SPECC1: variants seen among roughly 807,000 people sequenced by gnomAD.
SPECC1 encodes cytospin-B.
A neutral mutation model predicts 104.1 loss-of-function variants in SPECC1; 62 were observed. The ratio of observed to expected loss-of-function variants is 0.60; its 90% CI spans 0.49 to 0.74. SPECC1 has a LOEUF of 0.74. Ranked by LOEUF, SPECC1 falls within the 30% of genes least tolerant of loss-of-function variation. The pLI, the probability that SPECC1 is intolerant of heterozygous loss-of-function variation, is 0.00. For missense variants in SPECC1, 1,306 were observed against 1,310.5 expected, an observed-to-expected ratio of 1.00 and a Z score of 0.05; for synonymous variants, 513 against 501.6, an observed-to-expected ratio of 1.02 and a Z score of -0.30.
chr17:20,286,246 A>G (rs2040941977), intron 12 of SPECC1, among the ~76,000 whole-genome samples: 1 of 152,174 alleles, frequency 6.6e-6, no homozygotes, highest in African/African-American at 2.4e-5. Context: ...AAGGATAACA[A>G]TGATCCTAGT....
At chr17:20,194,502 ATT>A (rs1209589252) in intron 3 of SPECC1, among the ~76,000 whole-genome samples, 36 of 86,528 alleles carry the variant, frequency 4.2e-4, no homozygotes, top group African/African-American at 9.1e-4. Flanking sequence ...AAGAGAACGA[ATT>A]TTTTTTTTTT....
intron 12 of SPECC1, among the ~76,000 whole-genome samples, chr17:20,278,101 C>CT (rs1008212388): frequency 3.3e-5 from 5 of 152,056 alleles, no homozygotes; most frequent in African/African-American, 7.2e-5. Flanking sequence ...GAAAGACCGG[C>CT]TTTTTTTAAT....
At chr17:20,031,510 C>T (rs771581411) in intron 1 of SPECC1, among the ~76,000 whole-genome samples, 5 of 151,988 alleles carry the variant, frequency 3.3e-5, no homozygotes, top group Admixed American at 1.3e-4. Flanking sequence ...TTAGTAGAGA[C>T]GGGGTTTCAC....
chr17:20,267,651 G>A (rs1164869113), intron 12 of SPECC1, among the ~76,000 whole-genome samples: 1 of 152,124 alleles, frequency 6.6e-6, no homozygotes, highest in Non-Finnish European at 1.5e-5. Flanking sequence ...CACGTGAGAA[G>A]GAGCCAAGAA....
chr17:20,278,114 G>A (rs973017305), intron 12 of SPECC1, among the ~76,000 whole-genome samples: 2 of 151,990 alleles, frequency 1.3e-5, no homozygotes, highest in African/African-American at 4.8e-5. Flanking sequence ...TTTTTAATGG[G>A]ACTATTTAGC....
chr17:20,153,643 C>T (rs1470859145), intron 3 of SPECC1, among the ~76,000 whole-genome samples: 1 of 152,132 alleles, frequency 6.6e-6, no homozygotes, highest in African/African-American at 2.4e-5. Context: ...CATAGGAGTC[C>T]AGGTTGGGTT....
chr17:20,223,441 C>T (rs1398601683), intron 4 of SPECC1, among the ~76,000 whole-genome samples: 3 of 151,920 alleles, frequency 2.0e-5, no homozygotes, highest in Admixed American at 6.6e-5. Flanking sequence ...TTTGGGAGGC[C>T]GGAGTGGGCA....
At chr17:20,175,762 T>G (rs1255696732) in intron 3 of SPECC1, among the ~76,000 whole-genome samples, 1 of 152,232 alleles carries the variant, frequency 6.6e-6, no homozygotes, top group African/African-American at 2.4e-5. Context: ...CTGGGACTTC[T>G]GTAGCTCAGG....
intron 9 of SPECC1, among the ~76,000 whole-genome samples, chr17:20,251,574 A>G (rs553681174): frequency 1.2e-4 from 18 of 152,354 alleles, no homozygotes; most frequent in African/African-American, 3.6e-4. Context: ...TTAATATGCT[A>G]TGAAGTAGAG....
intron 3 of SPECC1, among the ~76,000 whole-genome samples, chr17:20,177,623 T>G (rs1332284102): frequency 6.6e-6 from 1 of 152,258 alleles, no homozygotes; most frequent in African/African-American, 2.4e-5. Context: ...TCAACTATCC[T>G]TAACATCTCC....
chr17:20,092,344 G>T (rs2047438778), intron 1 of SPECC1, among the ~76,000 whole-genome samples: 1 of 138,522 alleles, frequency 7.2e-6, no homozygotes, highest in Admixed American at 7.5e-5. Flanking sequence ...CTTGTACTTG[G>T]CTGGAGCCTG....
At position 20,061,555 on chromosome 17, in the gene SPECC1, C is replaced by A. The variant is rs559269957; in HGVS notation, c.-21-35076C>A. Among the ~76,000 whole-genome samples, 7 of 151,998 alleles carry A rather than the reference C, an allele frequency of 4.6e-5. No individual in the cohort carries two copies. The South Asian group carries it at 1.2e-3, about 27-fold the overall frequency. On this transcript the variant is annotated intron_variant, in intron 1 of 14. Transcript: ENST00000395527. ...TCCTTAAAGATGCAACCTTTGGGAACCTTGAACCTTTGATTGCTATAAACA... is the reference window on the plus strand; with the variant it reads ...TCCTTAAAGATGCAACCTTTGGGAAACTTGAACCTTTGATTGCTATAAACA...
chr17:20,281,789 A>C (rs530241261), intron 12 of SPECC1, among the ~76,000 whole-genome samples: 36 of 152,356 alleles, frequency 2.4e-4, no homozygotes, highest in African/African-American at 8.7e-4. Flanking sequence ...TGAGGTAGCC[A>C]ACTTAACAGA....
intron 3 of SPECC1, among the ~76,000 whole-genome samples, chr17:20,183,692 G>T (rs1053965353): frequency 6.6e-6 from 1 of 152,108 alleles, no homozygotes; most frequent in Non-Finnish European, 1.5e-5. Flanking sequence ...TGTAAATGCC[G>T]TGTCATTTGT....
intron 4 of SPECC1, among the ~76,000 whole-genome samples, chr17:20,226,303 T>C (rs2038200553): frequency 6.6e-6 from 1 of 152,160 alleles, no homozygotes; most frequent in South Asian, 2.1e-4. Context: ...AAAAACACAG[T>C]TAAAATGCAG....
intron 13 of SPECC1, among the ~76,000 whole-genome samples, chr17:20,298,982 G>GT (rs1567617382): frequency 9.4e-5 from 3 of 31,970 alleles, no homozygotes; most frequent in African/African-American, 4.2e-4. Context: ...TATGTAGAGA[G>GT]AGAGAGAGAG....
chr17:20,059,648 G>C (rs1221523599), intron 1 of SPECC1, among the ~76,000 whole-genome samples: 1 of 152,074 alleles, frequency 6.6e-6, no homozygotes, highest in Non-Finnish European at 1.5e-5. Context: ...ATTGTACCTT[G>C]GTCGTTGTAT....
At chr17:20,258,491 G>A (rs2039912017) in intron 11 of SPECC1, among the ~76,000 whole-genome samples, 1 of 152,052 alleles carries the variant, frequency 6.6e-6, no homozygotes, top group South Asian at 2.1e-4. Flanking sequence ...ATTTTCTGAT[G>A]CACTGAGCAC....
rs71157855 is a variant in SPECC1, at chr17:20,028,760, A to AT, written c.-22+19355dup. On this transcript the variant is annotated intron_variant, in intron 1 of 14. Transcript: ENST00000395527. ...AATTTCAACAGTGAAGTCATCTGGGATTTTTTTTTTTTTTTTTTTGAGATG... is the reference window on the plus strand; with the variant it reads ...AATTTCAACAGTGAAGTCATCTGGGATTTTTTTTTTTTTTTTTTTTGAGATG... Among the ~76,000 whole-genome samples the AT allele has an allele frequency of 2.7e-3, 351 of 128,252 alleles. 4 individuals carry two copies. The highest frequency in any genetic ancestry group is 8.9e-3 in the East Asian group (40 of 4,512). The allele number at this position is 128,252 out of a possible 152,430, so 84.1% of individuals were successfully genotyped here. A position where few individuals can be genotyped will look rare whatever the true frequency, so the allele number is the denominator to read the frequency against.
Sources: allele counts gnomAD v4.1 joint callset (sites outside exome capture counted in the v4.1 genomes callset), GRCh38; gene constraint gnomAD v4.1.1; transcripts MANE v1.5; gene names NCBI Gene and HGNC (gene_info 2026-07-23, HGNC 2026-07-21).